MTG1: variants seen among roughly 807,000 people sequenced by gnomAD.
MTG1 encodes the protein mitochondrial ribosome associated GTPase 1.
In MTG1, 30 loss-of-function variants were observed where a neutral mutation model predicts 39.5. The ratio of observed to expected loss-of-function variants is 0.76; its 90% CI spans 0.57 to 1.03. The LOEUF (loss-of-function observed/expected upper bound fraction) is 1.03, where lower values mean the gene tolerates loss of function less well. Among genes scored for constraint, MTG1 ranks in the 50% least tolerant of loss-of-function variants. The pLI is 0.00. For missense variants in MTG1, 513 were observed against 447.4 expected, an observed-to-expected ratio of 1.15 and a Z score of -1.32; for synonymous variants, 217 against 179.0, an observed-to-expected ratio of 1.21 and a Z score of -1.69.
intron 10 of MTG1, 61 bp downstream of exon 10, chr10:133,419,653 C>A: frequency 7.2e-7 from 1 of 1,396,158 alleles, no homozygotes; most frequent in Non-Finnish European, 9.9e-7. Context: ...GGGACCCCGG[C>A]CATCCCTGGA....
rs755506599 is a variant in MTG1 at position 133,402,824 on chromosome 10, A to AT, written c.752+54dup. The stretch of plus-strand genomic sequence containing the variant: ...TGGGGCCCCTCCTCCTAGTCACCTC[A>AT]TTTAAAAAAAAAAAACAAACAAAAA... On this transcript the variant is annotated intron_variant, in intron 9 of 10. Transcript: ENST00000317502. This position sits in a 1 kb window ranked among gnomAD's most constrained non-coding sequence, Gnocchi z 4.7. 8 of 1,308,110 alleles carry AT rather than the reference A, an allele frequency of 6.1e-6. No homozygotes were observed. The highest frequency in any genetic ancestry group is 2.7e-5 in the South Asian group (2 of 73,926). 81.0% of individuals were successfully genotyped at this position (1,308,110 alleles called of 1,614,324 possible).
chr10:133,394,635 C>G (rs1037591616), intron 1 of MTG1: 3 of 1,234,404 alleles, frequency 2.4e-6, no homozygotes, highest in East Asian at 3.7e-5. Context: ...CCAGCAAGTT[C>G]CTTCTGCCCT....
intron 1 of MTG1, among the ~76,000 whole-genome samples, chr10:133,394,994 T>A (rs74164174): frequency 0.019 from 2,930 of 152,242 alleles, 80 homozygotes; most frequent in African/African-American, 0.062. Flanking sequence ...GAAGCTTTGT[T>A]ATCTTGGTTG....
At chr10:133,399,481 C>A in intron 5 of MTG1, 48 bp from the exon 6 acceptor site, 1 of 1,579,872 alleles carries the variant, frequency 6.3e-7, no homozygotes, top group Non-Finnish European at 8.7e-7. Context: ...GAGTCTCAGG[C>A]TCTAGCGGCC....
chr10:133,415,078 A>G (rs1850102385), intron 9 of MTG1, among the ~76,000 whole-genome samples: 2 of 152,236 alleles, frequency 1.3e-5, no homozygotes, highest in Non-Finnish European at 1.5e-5. Flanking sequence ...AGGCAGGAGA[A>G]TCAGGCAGGG....
chr10:133,402,509 A>G lies in MTG1; in HGVS notation c.671-183A>G. 1 of 699,768 alleles carries G rather than the reference A, an allele frequency of 1.4e-6. No individual in the cohort carries two copies. The highest frequency in any genetic ancestry group is 1.8e-5 in the South Asian group (1 of 54,962). The allele number at this position is 699,768 out of a possible 1,614,324, so 43.3% of individuals were successfully genotyped here. A position where few individuals can be genotyped will look rare whatever the true frequency, so the allele number is the denominator to read the frequency against. ...GGCAGAGAGGTTGGTCGCAGGTGCC[A>G]GGCAGGAGTGGGGGCCGGGACCACA... On this transcript the variant is annotated intron_variant, in intron 8 of 10. Transcript: ENST00000317502. This position sits in a 1 kb window ranked among gnomAD's most constrained non-coding sequence, Gnocchi z 4.7.
chr10:133,412,861 C>T (rs1850066991), intron 9 of MTG1, among the ~76,000 whole-genome samples: 1 of 151,982 alleles, frequency 6.6e-6, no homozygotes, highest in Non-Finnish European at 1.5e-5. Context: ...TGGTAATTTT[C>T]TATTTGTACT....
At chr10:133,410,094 G>C (rs1476111306) in intron 9 of MTG1, among the ~76,000 whole-genome samples, 1 of 152,122 alleles carries the variant, frequency 6.6e-6, no homozygotes. Context: ...TGCCCAGGCT[G>C]GTGTGCAGTG....
chr10:133,416,394 C>A (rs1261300505), intron 9 of MTG1, among the ~76,000 whole-genome samples: 3 of 148,080 alleles, frequency 2.0e-5, no homozygotes, highest in African/African-American at 7.4e-5. Flanking sequence ...ATATATTTTT[C>A]TTTTTATTTT....
chr10:133,402,180 A>T lies in MTG1; in HGVS notation c.605A>T (p.Asp202Val). The change falls in exon 8 of 11, where the codon GAC becomes GTC. Residue 202 changes from aspartate to valine, a missense_variant. By Grantham distance (152) the Asp-to-Val change is radical. Coordinates refer to ENST00000317502, the MANE Select transcript of MTG1 (RefSeq NM_138384.4). The surrounding 1 kb of genome is among the most constrained non-coding windows in gnomAD (Gnocchi z 4.7). Reference protein sequence around the residue: ...VSERPLMFLLDTPGVLAPRIE... With the variant: ...VSERPLMFLLVTPGVLAPRIE... ...GAGCGGCCCCTGATGTTCCTGTTGG[A>T]CACTCCTGGCGTGCTGGCTCCTCGG... 1 of 1,613,788 alleles carries T rather than the reference A, an allele frequency of 6.2e-7. No homozygotes were observed. The highest frequency in any genetic ancestry group is 1.3e-5 in the African/African-American group (1 of 74,950).
At chr10:133,415,397 A>G (rs1850110277) in intron 9 of MTG1, among the ~76,000 whole-genome samples, 1 of 149,862 alleles carries the variant, frequency 6.7e-6, no homozygotes, top group Non-Finnish European at 1.5e-5. Context: ...AGATGTCTTT[A>G]TTTCACCTTT....
At chr10:133,394,744 G>A in intron 1 of MTG1, 1 of 1,008,818 alleles carries the variant, frequency 9.9e-7, no homozygotes, top group African/African-American at 1.7e-5. Context: ...GAAGGCACCT[G>A]TTCAGTTTTA....
intron 7 of MTG1, 35 bp downstream of exon 7, chr10:133,401,625 C>T: frequency 1.2e-6 from 2 of 1,608,540 alleles, no homozygotes; most frequent in Non-Finnish European, 1.7e-6. Context: ...AGCACTCTGT[C>T]AAGAGCTCTG....
chr10:133,395,900 CTG>C, intron 2 of MTG1, 123 bp downstream of exon 2: 1 of 1,020,674 alleles, frequency 9.8e-7, no homozygotes, highest in Non-Finnish European at 1.5e-6. Flanking sequence ...TAATCAGAAT[CTG>C]TGATGTGGGG....
At chr10:133,394,898 T>G in intron 1 of MTG1, 1 of 252,706 alleles carries the variant, frequency 4.0e-6, no homozygotes, top group Non-Finnish European at 6.2e-6. Flanking sequence ...CCGCGTGTAC[T>G]GGGGGCCGAG....
intron 9 of MTG1, among the ~76,000 whole-genome samples, chr10:133,415,190 AGGGAGCGGAGC>A (rs929372391): frequency 3.3e-5 from 5 of 151,934 alleles, no homozygotes; most frequent in Admixed American, 2.0e-4. Context: ...GGAGAGGGAG[AGGGAGCGGAGC>A]GGGAGCGGGA....
chr10:133,413,241 G>A (rs1850071432), intron 9 of MTG1, among the ~76,000 whole-genome samples: 1 of 152,178 alleles, frequency 6.6e-6, no homozygotes, highest in South Asian at 2.1e-4. Context: ...CTCCTGAGTA[G>A]CTGGGATTAC....
chr10:133,417,472 C>T (rs1200193230), intron 9 of MTG1, among the ~76,000 whole-genome samples: 1 of 149,978 alleles, frequency 6.7e-6, no homozygotes, highest in Admixed American at 6.6e-5. Context: ...TGGCACAAGA[C>T]AGGGATGCCC....
At chr10:133,396,757 A>G (rs2265909) in intron 3 of MTG1, among the ~76,000 whole-genome samples, 82,060 of 152,130 alleles carry the variant, frequency 0.54, 24,539 homozygotes, top group Non-Finnish European at 0.67. Context: ...AACCTAGGAA[A>G]AACCAGGCCA....
Sources: gnomAD v4.1 joint callset for allele counts (sites outside exome capture counted in the v4.1 genomes callset) on GRCh38, gnomAD v4.1.1 for gene constraint, Gnocchi (gnomAD v3.1) non-coding constraint, MANE v1.5 for transcripts, NCBI Gene and HGNC (gene_info 2026-07-23, HGNC 2026-07-21) for gene names.